The following TUSC3 variants were observed in gnomAD, a reference collection of about 807,000 sequenced individuals.
TUSC3 encodes dolichyl-diphosphooligosaccharide--protein glycosyltransferase subunit TUSC3.
Under a neutral mutation model 44.8 loss-of-function variants are expected in TUSC3, and 45 were observed. The ratio of observed to expected loss-of-function variants is 1.00; its 90% CI spans 0.79 to 1.29. The LOEUF is 1.29. Among genes scored for constraint, TUSC3 ranks in the 50% most tolerant of loss-of-function variants. TUSC3 has a pLI of 0.00. For synonymous variants in TUSC3, 212 were observed against 152.9 expected (o/e 1.39, Z -2.85); for missense variants, 519 against 437.9 (o/e 1.19, Z -1.65).
intron 6 of TUSC3, among the ~76,000 whole-genome samples, chr8:15,694,647 T>C (rs1809077808): frequency 6.6e-6 from 1 of 152,068 alleles, no homozygotes; most frequent in South Asian, 2.1e-4. Flanking sequence ...GCCTTGATTA[T>C]GGTATAAGGT....
chr8:15,787,575 T>C, the TUSC3 span, among the ~76,000 whole-genome samples: 2 of 152,204 alleles, frequency 1.3e-5, no homozygotes, highest in African/African-American at 4.8e-5. Context: ...GACTTCTGTA[T>C]ATTTTCTCAC....
At position 15,540,345 on chromosome 8, in the gene TUSC3, C is replaced by T; in HGVS notation, c.-86C>T. 2 of 1,393,416 alleles carry T rather than the reference C, an allele frequency of 1.4e-6. No homozygotes were observed. Among genetic ancestry groups the T allele is most frequent in the Non-Finnish European group, 1.9e-6 (2 of 1,072,714 alleles). 86.3% of individuals were successfully genotyped at this position (1,393,416 alleles called of 1,614,324 possible). A position where few individuals can be genotyped will look rare whatever the true frequency, so the allele number is the denominator to read the frequency against. ...CCCGGAGGGCCCAGCCAGCGGGCTC[C>T]CGGAGGCTGGCCGGGCAGGCGTGGT... On this transcript the variant is annotated 5_prime_UTR_variant, in exon 1 of 11. Transcript: ENST00000503731.
chr8:15,611,000 C>G (rs1490204224), intron 1 of TUSC3, among the ~76,000 whole-genome samples: 1 of 152,120 alleles, frequency 6.6e-6, no homozygotes, highest in East Asian at 1.9e-4. Flanking sequence ...CCACTGAAAG[C>G]TTCTTTTTCA....
intron 2 of TUSC3, among the ~76,000 whole-genome samples, chr8:15,629,396 G>T (rs1805657978): frequency 6.6e-6 from 1 of 152,104 alleles, no homozygotes; most frequent in Admixed American, 6.5e-5. Flanking sequence ...GGACCAAAGA[G>T]ATTTCAAGGT....
chr8:15,805,396 C>G, the TUSC3 span, among the ~76,000 whole-genome samples: 5 of 152,188 alleles, frequency 3.3e-5, no homozygotes, highest in East Asian at 9.7e-4. Context: ...GAGTGGGCAT[C>G]TTTGTCTTGC....
chr8:15,780,373 G>T, the TUSC3 span, among the ~76,000 whole-genome samples: 3 of 152,124 alleles, frequency 2.0e-5, no homozygotes, highest in Non-Finnish European at 4.4e-5. Flanking sequence ...CTAACTCAAA[G>T]GTTCCCCATG....
At chr8:15,598,496 G>A (rs73540553) in intron 1 of TUSC3, among the ~76,000 whole-genome samples, 4,758 of 151,728 alleles carry the variant, frequency 0.031, 100 homozygotes, top group African/African-American at 0.059. Flanking sequence ...CTTTGTATTA[G>A]GGTTCATTCT....
chr8:15,477,860 C>G (rs532233064), intron 1 of TUSC3, among the ~76,000 whole-genome samples: 2 of 152,118 alleles, frequency 1.3e-5, no homozygotes, highest in Non-Finnish European at 2.9e-5. Context: ...TTTTTTCTTG[C>G]TTTCCTCTTT....
At chr8:15,438,352 C>T (rs113868517) in intron 1 of TUSC3, among the ~76,000 whole-genome samples, 24,737 of 152,068 alleles carry the variant, frequency 0.16, 2,087 homozygotes, top group Middle Eastern at 0.22. Flanking sequence ...TGCCTCGGCC[C>T]CCCAAAGTGC....
intron 6 of TUSC3, among the ~76,000 whole-genome samples, chr8:15,686,864 C>T (rs1385593065): frequency 1.3e-5 from 2 of 151,864 alleles, no homozygotes; most frequent in African/African-American, 2.4e-5. Context: ...GTCAGGAGAT[C>T]GAGACCATCC....
intron 1 of TUSC3, among the ~76,000 whole-genome samples, chr8:15,573,520 A>C (rs967201912): frequency 6.6e-6 from 1 of 151,832 alleles, no homozygotes; most frequent in Non-Finnish European, 1.5e-5. Flanking sequence ...ACCTGAACCT[A>C]GCTGGCTTGG....
chr8:15,555,478 A>G (rs981459390), intron 1 of TUSC3, among the ~76,000 whole-genome samples: 1 of 150,158 alleles, frequency 6.7e-6, no homozygotes, highest in South Asian at 2.1e-4. Flanking sequence ...TTTGTATTGT[A>G]GAGACGAAGT....
At chr8:15,634,733 A>G (rs1351460970) in intron 2 of TUSC3, among the ~76,000 whole-genome samples, 4 of 152,172 alleles carry the variant, frequency 2.6e-5, no homozygotes, top group Admixed American at 6.5e-5. Context: ...TCATCTTCAC[A>G]TACTAGAATT....
chr8:15,549,747 G>A (rs1176106142), intron 1 of TUSC3, among the ~76,000 whole-genome samples: 1 of 151,516 alleles, frequency 6.6e-6, no homozygotes, highest in East Asian at 2.0e-4. Flanking sequence ...GAGTGGTTGT[G>A]CTGTTTTTTG....
chr8:15,828,077 C>G, the TUSC3 span, among the ~76,000 whole-genome samples: 2 of 150,622 alleles, frequency 1.3e-5, no homozygotes, highest in South Asian at 4.2e-4. Context: ...TCACTGCAAC[C>G]TCCACCTCCC....
At chr8:15,804,841 G>C in the TUSC3 span, among the ~76,000 whole-genome samples, 8 of 151,896 alleles carry the variant, frequency 5.3e-5, no homozygotes, top group African/African-American at 1.7e-4. Flanking sequence ...TTTTGAACTA[G>C]TTTTTTTTCT....
At chr8:15,614,859 A>G (rs900917753) in intron 1 of TUSC3, among the ~76,000 whole-genome samples, 2 of 151,386 alleles carry the variant, frequency 1.3e-5, no homozygotes, top group African/African-American at 4.8e-5. Flanking sequence ...TTGGGTTAGA[A>G]TTGAAATTTC....
At chr8:15,496,100 C>T (rs1044743544) in intron 2 of TUSC3, among the ~76,000 whole-genome samples, 141 of 152,126 alleles carry the variant, frequency 9.3e-4, no homozygotes, top group African/African-American at 3.2e-3. Context: ...AGGAAAGCCA[C>T]GACCACTAAA....
intron 2 of TUSC3, among the ~76,000 whole-genome samples, chr8:15,533,910 T>C (rs766725998): frequency 6.6e-6 from 1 of 152,156 alleles, no homozygotes; most frequent in African/African-American, 2.4e-5. Flanking sequence ...TATCTCATGG[T>C]TGGAAAGTTT....
Sources: gnomAD v4.1 joint callset for allele counts (sites outside exome capture counted in the v4.1 genomes callset) on GRCh38, gnomAD v4.1.1 for gene constraint, MANE v1.5 for transcripts, NCBI Gene and HGNC (gene_info 2026-07-23, HGNC 2026-07-21) for gene names.